Variants in SP4 observed in about 807,000 individuals in gnomAD.
SP4 encodes Sp4 transcription factor, also known as transcription factor Sp4.
In SP4, 19 loss-of-function variants were observed where a neutral mutation model predicts 72.8. The ratio of observed to expected loss-of-function variants is 0.26; its 90% CI spans 0.18 to 0.38. The LOEUF is 0.38. Ranked by LOEUF, SP4 falls within the 10% of genes least tolerant of loss-of-function variation. The probability of loss-of-function intolerance (pLI) is 1.00; values close to 1 mark genes in which losing one functional copy is unlikely to be tolerated. For missense variants in SP4, 1,008 were observed against 926.3 expected, an observed-to-expected ratio of 1.09 and a Z score of -1.14; for synonymous variants, 395 against 333.1, an observed-to-expected ratio of 1.19 and a Z score of -2.02.
At chr7:21,461,068 C>G (rs1197664085) in intron 3 of SP4, among the ~76,000 whole-genome samples, 1 of 152,196 alleles carries the variant, frequency 6.6e-6, no homozygotes, top group Non-Finnish European at 1.5e-5. Flanking sequence ...GGTGTATTTA[C>G]AATCCCCTAG....
intron 5 of SP4, among the ~76,000 whole-genome samples, chr7:21,498,403 C>A (rs1781778771): frequency 6.6e-6 from 1 of 152,112 alleles, no homozygotes. Context: ...GGGCAACTAT[C>A]TACTTTTACC....
At chr7:21,510,913 G>A in intron 5 of SP4, 109 bp from the exon 6 acceptor site, 1 of 1,075,976 alleles carries the variant, frequency 9.3e-7, no homozygotes, top group East Asian at 2.5e-5. Context: ...TTTGCAACTA[G>A]TGAAACTGTA....
intron 5 of SP4, among the ~76,000 whole-genome samples, chr7:21,493,852 A>G (rs1785039938): frequency 1.3e-5 from 2 of 152,204 alleles, no homozygotes; most frequent in Admixed American, 1.3e-4. Flanking sequence ...TTATCATGAT[A>G]CCAAAGAAAA....
At chr7:21,474,157 G>C (rs545124808) in intron 3 of SP4, among the ~76,000 whole-genome samples, 1 of 152,288 alleles carries the variant, frequency 6.6e-6, no homozygotes, top group South Asian at 2.1e-4. Flanking sequence ...GGAATCTCTA[G>C]CAGTTCTTCC....
chr7:21,430,367 A>G lies in SP4; in HGVS notation c.1202A>G (p.Gln401Arg), dbSNP rs771946033. The change falls in exon 3 of 6, where the codon CAA (glutamine) becomes CGA (arginine). Residue 401 changes from glutamine (Q) to arginine (R), a missense_variant. Around this residue, in one of 3 missense-constraint regions of SP4, gnomAD observed 893 missense variants for 743.3 expected, o/e 1.20. Coordinates refer to ENST00000222584, the MANE Select transcript of SP4 (RefSeq NM_003112.5). ...CTTCAGCAGGTGCAAATTGTAGGCC[A>G]ACCTATCTTACAGCAGATCCAGATC... ...NSLQQVQIVG[Q>R]PILQQIQIQQ... is the part of the protein sequence containing the mutation. 5 of 1,614,214 alleles carry G rather than the reference A, an allele frequency of 3.1e-6. No individual in the cohort carries two copies. Among genetic ancestry groups the G allele is most frequent in the South Asian group, 1.1e-5 (1 of 91,088 alleles).
rs150080902 is a variant in SP4, at chr7:21,479,659, A to G, written c.1908-2265A>G. Among the ~76,000 whole-genome samples the G allele has an allele frequency of 6.6e-5, 10 of 152,320 alleles. No homozygotes were observed. In the East Asian group the frequency reaches 1.7e-3, roughly 26 times the overall value. On this transcript the variant is annotated intron_variant, in intron 4 of 5. Transcript: ENST00000222584. The stretch of plus-strand genomic sequence containing the variant: ...TTTTAGAATCAGTTTGTCAGTTTCT[A>G]TAAAGAAACCAGATGGTATTCTGAT...
At chr7:21,509,923 C>G (rs1248808053) in intron 5 of SP4, among the ~76,000 whole-genome samples, 3 of 152,100 alleles carry the variant, frequency 2.0e-5, no homozygotes, top group Non-Finnish European at 4.4e-5. Flanking sequence ...GGGGAGGCCT[C>G]ACAATCATGG....
chr7:21,429,943 A>G lies in SP4; in HGVS notation c.778A>G (p.Asn260Asp). 1 of 1,614,172 alleles carries G rather than the reference A, an allele frequency of 6.2e-7. No individual in the cohort carries two copies. Among genetic ancestry groups the G allele is most frequent in the Non-Finnish European group, 8.5e-7 (1 of 1,180,032 alleles). The part of the protein sequence containing the change: ...QAQVVTTLPI[N>D]IGGVTLALPV... ...TCAAGTTGTAACAACCCTACCAATT[A>G]ACATTGGAGGAGTGACTCTAGCTTT... Residue 260 changes from asparagine (N) to aspartate (D), a missense_variant, in exon 3 of 6, where the codon AAC becomes GAC. Transcript: ENST00000222584.
At chr7:21,463,418 A>G (rs950286616) in intron 3 of SP4, among the ~76,000 whole-genome samples, 4 of 152,186 alleles carry the variant, frequency 2.6e-5, no homozygotes, top group Admixed American at 6.5e-5. Flanking sequence ...GCCCTCCTGT[A>G]ATCTCTTTCC....
intron 3 of SP4, among the ~76,000 whole-genome samples, chr7:21,442,764 C>T (rs1783301900): frequency 6.6e-6 from 1 of 152,174 alleles, no homozygotes; most frequent in South Asian, 2.1e-4. Flanking sequence ...GAGACGGAGT[C>T]CCACTCTGTC....
At chr7:21,480,212 C>A (rs964482596) in intron 4 of SP4, among the ~76,000 whole-genome samples, 4 of 152,036 alleles carry the variant, frequency 2.6e-5, no homozygotes, top group African/African-American at 9.7e-5. Flanking sequence ...AGAGAGATGT[C>A]TGTGGTTTTC....
intron 3 of SP4, among the ~76,000 whole-genome samples, chr7:21,468,676 C>G (rs1390252878): frequency 6.6e-6 from 1 of 151,838 alleles, no homozygotes; most frequent in East Asian, 1.9e-4. Flanking sequence ...ATAATTATAT[C>G]TTTTGTAAAT....
chr7:21,499,194 C>G (rs529664495), intron 5 of SP4, among the ~76,000 whole-genome samples: 7 of 151,628 alleles, frequency 4.6e-5, no homozygotes, highest in African/African-American at 1.7e-4. Flanking sequence ...ATTCAAATTA[C>G]GTAGGAATTT....
intron 3 of SP4, among the ~76,000 whole-genome samples, chr7:21,456,367 T>G (rs143180657): frequency 0.019 from 2,946 of 152,276 alleles, 58 homozygotes; most frequent in Middle Eastern, 0.031. Context: ...CATAAGGAGC[T>G]CGCAGAGCCA....
chr7:21,473,067 G>C (rs773041061), intron 3 of SP4, among the ~76,000 whole-genome samples: 2 of 152,198 alleles, frequency 1.3e-5, no homozygotes, highest in Non-Finnish European at 2.9e-5. Context: ...GCACGAAAGT[G>C]AGATGATCAG....
Position 21,429,638 on chromosome 7 carries a change from A to G in SP4, c.473A>G (p.Asn158Ser). The change falls in exon 3 of 6, where the codon AAT becomes AGT. Residue 158 changes from asparagine (N) to serine (S), a missense_variant. Asn to Ser is a conservative substitution (Grantham distance 46). Coordinates refer to ENST00000222584, the MANE Select transcript of SP4 (RefSeq NM_003112.5). The part of the protein sequence containing the change: ...PGQFQVIQVQ[N>S]PSGSVQYQVI... Reference sequence around the variant, plus strand: ...CAATTTCAAGTCATACAAGTACAAAATCCAAGTGGTAGTGTACAGTACCAA... The same window carrying G: ...CAATTTCAAGTCATACAAGTACAAAGTCCAAGTGGTAGTGTACAGTACCAA... 1 of 1,614,184 alleles carries G rather than the reference A, an allele frequency of 6.2e-7. No individual in the cohort carries two copies. The highest frequency in any genetic ancestry group is 8.5e-7 in the Non-Finnish European group (1 of 1,179,996).
intron 5 of SP4, among the ~76,000 whole-genome samples, chr7:21,505,155 T>C (rs547472443): frequency 9.2e-5 from 14 of 152,332 alleles, no homozygotes; most frequent in Admixed American, 2.0e-4. Flanking sequence ...CCATAACCTA[T>C]AGTAGCCAGT....
At chr7:21,490,234 T>A (rs188461960) in intron 5 of SP4, among the ~76,000 whole-genome samples, 46 of 152,338 alleles carry the variant, frequency 3.0e-4, no homozygotes, top group African/African-American at 1.1e-3. Flanking sequence ...TTCCCTCCTT[T>A]GTCTCCCAGG....
At chr7:21,473,403 T>G (rs1784406064) in intron 3 of SP4, among the ~76,000 whole-genome samples, 2 of 152,178 alleles carry the variant, frequency 1.3e-5, no homozygotes, top group Admixed American at 1.3e-4. Flanking sequence ...ATTTTTAAAC[T>G]TTGATTTATT....
Sources: allele counts gnomAD v4.1 joint callset (sites outside exome capture counted in the v4.1 genomes callset), GRCh38; gene constraint gnomAD v4.1.1; regional missense constraint gnomAD v4.1.1; transcripts MANE v1.5; gene names NCBI Gene and HGNC (gene_info 2026-07-23, HGNC 2026-07-21).